Variants in BMAL2 observed in about 807,000 individuals in gnomAD.
BMAL2 encodes the protein basic helix-loop-helix ARNT-like protein 2.
At chr12:27,425,024 A>G in the BMAL2 span, 1 of 152,222 alleles carries the variant, frequency 6.6e-6, no homozygotes, top group Non-Finnish European at 1.5e-5. Context: ...TGCCAATAAA[A>G]ACTGACCTGG....
the BMAL2 span, among the ~76,000 whole-genome samples, chr12:27,351,866 C>T: frequency 6.6e-6 from 1 of 152,184 alleles, no homozygotes; most frequent in Non-Finnish European, 1.5e-5. Context: ...TTGGTTGGCC[C>T]TACTTTATCT....
chr12:27,358,118 A>C, the BMAL2 span, among the ~76,000 whole-genome samples: 4 of 152,120 alleles, frequency 2.6e-5, no homozygotes, highest in African/African-American at 7.2e-5. Context: ...TAGACAACCC[A>C]GAGAGTGGGA....
the BMAL2 span, chr12:27,401,776 G>T: frequency 1.3e-6 from 1 of 769,664 alleles, no homozygotes; most frequent in Non-Finnish European, 1.9e-6. Context: ...GTGATCCTCT[G>T]GCCTTTTATT....
chr12:27,355,320 C>G, the BMAL2 span, among the ~76,000 whole-genome samples: 2 of 152,160 alleles, frequency 1.3e-5, no homozygotes, highest in African/African-American at 4.8e-5. Context: ...GCAAACAGTG[C>G]TCCATAGACC....
At chr12:27,401,114 C>T in the BMAL2 span, 17 of 677,968 alleles carry the variant, frequency 2.5e-5, no homozygotes, top group South Asian at 3.8e-5. Context: ...CTAGGGCAGC[C>T]GAGGGGAGCC....
chr12:27,424,029 TATTA>T, the BMAL2 span: 4 of 152,262 alleles, frequency 2.6e-5, no homozygotes, highest in African/African-American at 7.2e-5. Context: ...AATAATTTTA[TATTA>T]ATTACATGTT....
At chr12:27,336,059 A>G in the BMAL2 span, among the ~76,000 whole-genome samples, 1 of 152,180 alleles carries the variant, frequency 6.6e-6, no homozygotes, top group Non-Finnish European at 1.5e-5. Flanking sequence ...AAATGAGCAA[A>G]TAACAATTCA....
At chr12:27,425,212 G>A in the BMAL2 span, 4 of 151,672 alleles carry the variant, frequency 2.6e-5, no homozygotes, top group South Asian at 8.3e-4. Flanking sequence ...GGTAAATAAT[G>A]AAAAGAGTGA....
At chr12:27,405,125 C>T in the BMAL2 span, among the ~76,000 whole-genome samples, 3 of 152,172 alleles carry the variant, frequency 2.0e-5, no homozygotes, top group South Asian at 2.1e-4. Flanking sequence ...TGGAGCCCAC[C>T]GCAGCTCAAG....
At chr12:27,363,632 A>T in the BMAL2 span, among the ~76,000 whole-genome samples, 1 of 152,168 alleles carries the variant, frequency 6.6e-6, no homozygotes. Context: ...TATTCAAGTT[A>T]TTTTATCCAG....
At chr12:27,333,174 G>T in the BMAL2 span, 1 of 1,193,138 alleles carries the variant, frequency 8.4e-7, no homozygotes, top group Non-Finnish European at 1.0e-6. Flanking sequence ...GGGCGTCCCC[G>T]CGACGCCAGG....
the BMAL2 span, among the ~76,000 whole-genome samples, chr12:27,345,998 A>T: frequency 6.6e-5 from 10 of 152,214 alleles, no homozygotes; most frequent in African/African-American, 2.4e-4. Context: ...TAGATTAAAA[A>T]ATTAGCCAGA....
chr12:27,390,414 C>T, the BMAL2 span: 5 of 651,376 alleles, frequency 7.7e-6, no homozygotes, highest in South Asian at 4.2e-5. Context: ...TCACATCTTT[C>T]GAATTTATCA....
chr12:27,399,588 AACT>A, the BMAL2 span, among the ~76,000 whole-genome samples: 1 of 152,240 alleles, frequency 6.6e-6, no homozygotes, highest in Non-Finnish European at 1.5e-5. Flanking sequence ...TATTATTGTT[AACT>A]ACTATCTTAT....
chr12:27,409,786 C>T, the BMAL2 span, among the ~76,000 whole-genome samples: 1 of 152,036 alleles, frequency 6.6e-6, no homozygotes, highest in Non-Finnish European at 1.5e-5. Flanking sequence ...GCAAAAGAAA[C>T]TACCATCAGA....
chr12:27,414,304 G>T, the BMAL2 span, among the ~76,000 whole-genome samples: 1 of 152,138 alleles, frequency 6.6e-6, no homozygotes, highest in African/African-American at 2.4e-5. Context: ...GGAAACAGTG[G>T]ACTTGACTAA....
chr12:27,402,303 A>AT, the BMAL2 span, among the ~76,000 whole-genome samples: 1 of 148,172 alleles, frequency 6.7e-6, no homozygotes, highest in Admixed American at 6.7e-5. Flanking sequence ...AAAAATAATA[A>AT]AAAAAAAAAA....
At chr12:27,400,832 G>A in the BMAL2 span, 1 of 1,464,644 alleles carries the variant, frequency 6.8e-7, no homozygotes, top group Non-Finnish European at 9.2e-7. Flanking sequence ...AGCTATTAAA[G>A]GCGTGTCTTA....
chr12:27,396,538 G>A, the BMAL2 span, among the ~76,000 whole-genome samples: 4 of 152,140 alleles, frequency 2.6e-5, no homozygotes, highest in Admixed American at 6.5e-5. Flanking sequence ...CCTAGATGCC[G>A]GAAGGTTTTC....
Sources: allele counts gnomAD v4.1 joint callset (sites outside exome capture counted in the v4.1 genomes callset), GRCh38; gene constraint gnomAD v4.1.1; transcripts MANE v1.5; gene names NCBI Gene and HGNC (gene_info 2026-07-23, HGNC 2026-07-21).